The following AXL variants were observed in gnomAD, a reference collection of about 807,000 sequenced individuals.
AXL encodes the protein AXL receptor tyrosine kinase, also known as tyrosine-protein kinase receptor UFO.
AXL carries 52 observed loss-of-function variants against 104.5 expected under a neutral mutation model. The ratio of observed to expected loss-of-function variants is 0.50; its 90% CI spans 0.40 to 0.63. The LOEUF (loss-of-function observed/expected upper bound fraction) is 0.63. Ranked by LOEUF, AXL falls within the 20% of genes least tolerant of loss-of-function variation. The pLI, the probability that AXL is intolerant of heterozygous loss-of-function variation, is 0.00. For missense variants in AXL, 1,024 were observed against 1,188.5 expected (o/e 0.86, Z 2.04); for synonymous variants, 455 against 473.7 (o/e 0.96, Z 0.51).
intron 4 of AXL, among the ~76,000 whole-genome samples, chr19:41,225,816 TAA>T (rs2033868781): frequency 6.6e-6 from 1 of 152,158 alleles, no homozygotes; most frequent in Non-Finnish European, 1.5e-5. Flanking sequence ...CCTGTGTGTT[TAA>T]GTGTGATTCA....
At chr19:41,222,129 G>A in intron 4 of AXL, 73 bp downstream of exon 4, 1 of 1,398,518 alleles carries the variant, frequency 7.2e-7, no homozygotes, top group Non-Finnish European at 9.4e-7. Context: ...AGGGAACATT[G>A]CTACCTCTGC....
intron 17 of AXL, among the ~76,000 whole-genome samples, chr19:41,255,405 C>T (rs1007191064): frequency 4.8e-5 from 7 of 146,972 alleles, no homozygotes; most frequent in Non-Finnish European, 1.0e-4. Flanking sequence ...TCCTTCCCTC[C>T]CTCCCTCTCT....
intron 4 of AXL, chr19:41,226,629 C>T: frequency 1.8e-6 from 1 of 547,830 alleles, no homozygotes; most frequent in Non-Finnish European, 2.3e-6. Context: ...GGAACAGAGG[C>T]GTACACGCAC....
intron 14 of AXL, among the ~76,000 whole-genome samples, chr19:41,252,111 T>TAA (rs529144010): frequency 1.3e-3 from 145 of 108,182 alleles, no homozygotes; most frequent in Middle Eastern, 5.8e-3. Flanking sequence ...AGACTCCATC[T>TAA]AAAAAAAAAA....
rs1352620056 is a variant in AXL at position 41,252,434 on chromosome 19, A to G, written c.1795A>G (p.Arg599Gly). ...GGAATTTGACCATCCCAACGTCATG[A>G]GGCTCATCGGTGAGAGAGGGGCAGA... ...MKEFDHPNVMRLIGVCFQGSE... is the reference protein window; with the variant it reads ...MKEFDHPNVMGLIGVCFQGSE... The change falls in exon 15 of 20, where the codon AGG (arginine) becomes GGG (glycine). Residue 599 changes from arginine to glycine, a missense_variant. Transcript: ENST00000301178. The G allele has an allele frequency of 6.2e-7, 1 of 1,613,878 alleles. No individual in the cohort carries two copies. The highest frequency in any genetic ancestry group is 1.7e-5 in the Admixed American group (1 of 59,984).
chr19:41,252,788 G>A, intron 15 of AXL, 58 bp from the exon 16 acceptor site: 5 of 1,606,826 alleles, frequency 3.1e-6, no homozygotes, highest in Non-Finnish European at 4.2e-6. Context: ...CTGGCTGGTG[G>A]GGGGCTTGGC....
intron 1 of AXL, among the ~76,000 whole-genome samples, chr19:41,220,108 C>T (rs182625687): frequency 3.8e-4 from 58 of 152,064 alleles, no homozygotes; most frequent in African/African-American, 1.4e-3. Flanking sequence ...TGACTGTATC[C>T]CCCCTCCGCC....
At position 41,242,910 on chromosome 19, in the gene AXL, C is replaced by T. The variant is rs774958319; in HGVS notation, c.1340C>T (p.Ser447Leu). ...LVKEPSTPAFSWPWWYVLLGA... is the reference protein window; with the variant it reads ...LVKEPSTPAFLWPWWYVLLGA... ...AAGGAACCTTCAACTCCTGCCTTCT[C>T]GTGGCCCTGGTGGTATGTACTGCTA... Residue 447 changes from serine (S) to leucine (L), a missense_variant, in exon 11 of 20, where the codon TCG becomes TTG. Around this residue, in one of 5 missense-constraint regions of AXL, gnomAD observed 523 missense variants for 636.0 expected, o/e 0.82. Coordinates refer to ENST00000301178, the MANE Select transcript of AXL (RefSeq NM_021913.5). The T allele has an allele frequency of 2.2e-5, 35 of 1,614,088 alleles. No individual in the cohort carries two copies. The highest frequency in any genetic ancestry group is 1.6e-4 in the Middle Eastern group (1 of 6,084).
At position 41,221,130 on chromosome 19, in the gene AXL, C is replaced by T. The variant is rs898531902; in HGVS notation, c.309-16C>T. 1.7e-5 allele frequency: 27 copies of T among 1,610,928 alleles called. 1 individual carries two copies. Among genetic ancestry groups the T allele is most frequent in the Admixed American group, 1.5e-4 (9 of 59,800 alleles). On this transcript the variant is annotated splice_polypyrimidine_tract_variant and intron_variant, in intron 2 of 19. Transcript: ENST00000301178. Reference sequence around the variant, plus strand: ...TCTGACCCTGAACCTCTCTGTCTCTCCTCTTGCCCTGTCAGAATCACCTCC... The same window carrying T: ...TCTGACCCTGAACCTCTCTGTCTCTTCTCTTGCCCTGTCAGAATCACCTCC...
At chr19:41,238,309 C>G (rs2034118232) in intron 7 of AXL, among the ~76,000 whole-genome samples, 155 bp downstream of exon 7, 1 of 152,174 alleles carries the variant, frequency 6.6e-6, no homozygotes, top group South Asian at 2.1e-4. Flanking sequence ...TGCCCGCTGG[C>G]CTCTCTCCCA....
At chr19:41,232,522 C>T (rs975742839) in intron 6 of AXL, among the ~76,000 whole-genome samples, 1 of 151,910 alleles carries the variant, frequency 6.6e-6, no homozygotes, top group African/African-American at 2.4e-5. Flanking sequence ...ACTCAGGAGG[C>T]TGAGGCAGGA....
intron 12 of AXL, among the ~76,000 whole-genome samples, chr19:41,246,444 CAA>C (rs147904229): frequency 1.6e-5 from 2 of 122,418 alleles, no homozygotes; most frequent in African/African-American, 3.2e-5. Context: ...GAGACTGTCT[CAA>C]AAAAAAAAAA....
At chr19:41,225,307 A>T (rs2033860104) in intron 4 of AXL, among the ~76,000 whole-genome samples, 2 of 152,112 alleles carry the variant, frequency 1.3e-5, no homozygotes, top group Admixed American at 6.6e-5. Flanking sequence ...ACCCAGCGCA[A>T]ATGTGTTTTT....
At chr19:41,252,551 C>G in intron 15 of AXL, 108 bp downstream of exon 15, 1 of 1,294,432 alleles carries the variant, frequency 7.7e-7, no homozygotes, top group South Asian at 1.3e-5. Flanking sequence ...GCTTCCTGCT[C>G]CCCGCTCCTT....
intron 6 of AXL, among the ~76,000 whole-genome samples, chr19:41,234,180 G>A (rs2034041465): frequency 6.6e-6 from 1 of 152,124 alleles, no homozygotes; most frequent in Admixed American, 6.5e-5. Flanking sequence ...CTTTGGGCAA[G>A]TTGCTGAACC....
intron 14 of AXL, among the ~76,000 whole-genome samples, chr19:41,249,520 C>A (rs149567859): frequency 0.023 from 3,527 of 152,124 alleles, 158 homozygotes; most frequent in African/African-American, 0.081. Context: ...CTTTGGGAGG[C>A]CAAGGCGGGT....
rs759073849 is a variant in AXL at position 41,252,457 on chromosome 19, A to C, written c.1804+14A>C. On this transcript the variant is annotated intron_variant, in intron 15 of 19. Coordinates refer to ENST00000301178, the MANE Select transcript of AXL (RefSeq NM_021913.5). ...TGAGGCTCATCGGTGAGAGAGGGGC[A>C]GATTCAAGGGGTCTACAAGCCCCAT... is the stretch of plus-strand genomic sequence containing the variant. The C allele has an allele frequency of 3.7e-6, 6 of 1,612,966 alleles. No individual in the cohort carries two copies. Among genetic ancestry groups the C allele is most frequent in the Middle Eastern group, 1.7e-4 (1 of 6,058 alleles).
chr19:41,227,280 T>A (rs967326883), intron 4 of AXL, among the ~76,000 whole-genome samples: 19 of 152,124 alleles, frequency 1.2e-4, no homozygotes, highest in Admixed American at 5.9e-4. Flanking sequence ...TACTAAACCC[T>A]GTATATACTA....
rs1227054076 is a variant in AXL at position 41,220,751 on chromosome 19, A to G, written c.201A>G (p.Val67=). 1 of 1,614,146 alleles carries G rather than the reference A, an allele frequency of 6.2e-7. No homozygotes were observed. The change falls in exon 2 of 20, where the codon GTA becomes GTG. Residue 67 remains valine, a synonymous_variant. Transcript: ENST00000301178. ...AGGTTCAGGGAGAGCCCCCCGAGGT[A>G]CATTGGCTTCGGGATGGACAGATCC... ...QLQVQGEPPE[V]HWLRDGQILE...
Sources: allele counts gnomAD v4.1 joint callset (sites outside exome capture counted in the v4.1 genomes callset), GRCh38; gene constraint gnomAD v4.1.1; regional missense constraint gnomAD v4.1.1; transcripts MANE v1.5; gene names NCBI Gene and HGNC (gene_info 2026-07-23, HGNC 2026-07-21).